Variants in FRMD8 observed in about 807,000 individuals in gnomAD.
FRMD8 encodes FERM domain containing 8, also known as FERM domain-containing protein 8.
FRMD8 carries 37 observed loss-of-function variants against 54.2 expected under a neutral mutation model. That is an observed-to-expected ratio of 0.68 (90% CI 0.53 to 0.90). The LOEUF is 0.90. Ranked by LOEUF, FRMD8 falls within the 40% of genes least tolerant of loss-of-function variation. FRMD8 has a pLI of 0.00. For missense variants in FRMD8, 585 were observed against 653.7 expected, an observed-to-expected ratio of 0.89 and a Z score of 1.15; for synonymous variants, 246 against 286.9, an observed-to-expected ratio of 0.86 and a Z score of 1.44.
At chr11:65,403,987 C>T (rs958881236) in intron 9 of FRMD8, among the ~76,000 whole-genome samples, 1 of 152,186 alleles carries the variant, frequency 6.6e-6, no homozygotes, top group Non-Finnish European at 1.5e-5. Context: ...TGTGGGTGGA[C>T]TGAGCTGAGG....
At chr11:65,380,472 A>G in the FRMD8 span, 10 of 1,290,268 alleles carry the variant, frequency 7.8e-6, no homozygotes, top group Non-Finnish European at 9.5e-6. Flanking sequence ...GCTGGAGCCC[A>G]TACCCGGGTA....
At chr11:65,402,600 T>C (rs377154398) in intron 9 of FRMD8, among the ~76,000 whole-genome samples, 83 of 152,298 alleles carry the variant, frequency 5.4e-4, no homozygotes, top group African/African-American at 1.9e-3. Context: ...AATCAGCTTG[T>C]TGATTTGTAG....
At chr11:65,407,694 T>G (rs368314520) in intron 10 of FRMD8, among the ~76,000 whole-genome samples, 19 of 151,618 alleles carry the variant, frequency 1.3e-4, no homozygotes, top group Admixed American at 3.9e-4. Context: ...ATCGAGACCA[T>G]CCTGGCTAAC....
chr11:65,376,453 G>A, the FRMD8 span: 2 of 1,614,214 alleles, frequency 1.2e-6, no homozygotes, highest in Non-Finnish European at 1.7e-6. Context: ...GAAGGTGACA[G>A]CATTGACGGG....
intron 10 of FRMD8, among the ~76,000 whole-genome samples, chr11:65,406,661 C>T (rs1416311550): frequency 3.3e-5 from 5 of 150,848 alleles, no homozygotes; most frequent in African/African-American, 9.7e-5. Context: ...ATACCCTGGC[C>T]GGGCGCAGTG....
At chr11:65,377,463 G>T in the FRMD8 span, 1 of 1,002,492 alleles carries the variant, frequency 1.0e-6, no homozygotes, top group Non-Finnish European at 1.2e-6. Context: ...TTCAGCCTGT[G>T]ACTGTGAAAT....
At chr11:65,370,420 G>A in the FRMD8 span, among the ~76,000 whole-genome samples, 3 of 151,818 alleles carry the variant, frequency 2.0e-5, no homozygotes, top group Non-Finnish European at 4.4e-5. Context: ...AAAGTACCTG[G>A]GCCAGGCGCG....
chr11:65,372,311 C>T, the FRMD8 span, among the ~76,000 whole-genome samples: 3 of 152,128 alleles, frequency 2.0e-5, no homozygotes, highest in East Asian at 1.9e-4. Context: ...GGCCACTGTG[C>T]AGGAGTGAGT....
At chr11:65,374,860 A>G in the FRMD8 span, among the ~76,000 whole-genome samples, 2 of 152,098 alleles carry the variant, frequency 1.3e-5, no homozygotes, top group South Asian at 4.1e-4. Flanking sequence ...CCAGCTACTC[A>G]GAAGACTAGG....
chr11:65,381,863 G>A, upstream of FRMD8: 2 of 1,612,004 alleles, frequency 1.2e-6, no homozygotes, highest in Middle Eastern at 1.7e-4. Flanking sequence ...TCTTCCCGAG[G>A]AAGTGACCTA....
At chr11:65,379,342 G>T in the FRMD8 span, 1 of 1,600,832 alleles carries the variant, frequency 6.2e-7, no homozygotes. Flanking sequence ...CCATCCCTAT[G>T]ACACCTGTGT....
At chr11:65,376,922 C>T in the FRMD8 span, 10 of 1,613,404 alleles carry the variant, frequency 6.2e-6, no homozygotes, top group East Asian at 1.1e-4. Context: ...CCAGGCTCCT[C>T]GGAACAGCCC....
chr11:65,402,426 G>T (rs1856103426), intron 9 of FRMD8, among the ~76,000 whole-genome samples: 1 of 151,770 alleles, frequency 6.6e-6, no homozygotes, highest in South Asian at 2.1e-4. Flanking sequence ...TACATGTGTG[G>T]GTCTGTTTCT....
At chr11:65,376,681 G>A in the FRMD8 span, 2 of 1,613,686 alleles carry the variant, frequency 1.2e-6, no homozygotes, top group Non-Finnish European at 8.5e-7. Context: ...TGAGCCTGGG[G>A]CAGAGAGAGC....
rs554215392 is a variant in FRMD8 at position 65,411,558 on chromosome 11, T to C, written c.*198T>C. ...CTGTGCAAAGCTGGCCAGGGCCTCCTGTAGGGCTCCTCTGCAGCCTGCCCT... is the reference window on the plus strand; with the variant it reads ...CTGTGCAAAGCTGGCCAGGGCCTCCCGTAGGGCTCCTCTGCAGCCTGCCCT... On this transcript the variant is annotated 3_prime_UTR_variant, in exon 11 of 11. Transcript: ENST00000317568. 104 of 469,698 alleles carry C rather than the reference T, an allele frequency of 2.2e-4. No homozygotes were observed. The highest frequency in any genetic ancestry group is 1.9e-3 in the African/African-American group (94 of 50,018). The allele number at this position is 469,698 out of a possible 1,614,324, so 29.1% of individuals were successfully genotyped here. A position where few individuals can be genotyped will look rare whatever the true frequency, so the allele number is the denominator to read the frequency against.
At chr11:65,388,028 G>C (rs1335954138) in intron 2 of FRMD8, among the ~76,000 whole-genome samples, 2 of 152,162 alleles carry the variant, frequency 1.3e-5, no homozygotes, top group Non-Finnish European at 2.9e-5. Context: ...GCTGGGCGTG[G>C]TGGCACATGC....
At chr11:65,370,482 A>ACT in the FRMD8 span, among the ~76,000 whole-genome samples, 1 of 151,994 alleles carries the variant, frequency 6.6e-6, no homozygotes, top group Non-Finnish European at 1.5e-5. Context: ...CAGGCAGATC[A>ACT]TGAGATCAGG....
chr11:65,403,120 C>A (rs776077059), intron 9 of FRMD8, among the ~76,000 whole-genome samples: 2 of 152,206 alleles, frequency 1.3e-5, no homozygotes, highest in African/African-American at 4.8e-5. Context: ...TCAAGTGATT[C>A]TCCCACCTTG....
At chr11:65,390,324 AT>A (rs1855818378) in intron 3 of FRMD8, among the ~76,000 whole-genome samples, 1 of 152,074 alleles carries the variant, frequency 6.6e-6, no homozygotes, top group East Asian at 1.9e-4. Context: ...AGGCTGCCCC[AT>A]GTTGTTTAGT....
Sources: allele counts gnomAD v4.1 joint callset (sites outside exome capture counted in the v4.1 genomes callset), GRCh38; gene constraint gnomAD v4.1.1; transcripts MANE v1.5; gene names NCBI Gene and HGNC (gene_info 2026-07-23, HGNC 2026-07-21).